The following DIS3L2 variants were observed in gnomAD, a reference collection of about 807,000 sequenced individuals.
The protein encoded by DIS3L2 is DIS3 like 3'-5' exoribonuclease 2, also known as DIS3-like exonuclease 2.
In DIS3L2, 34 loss-of-function variants were observed where a neutral mutation model predicts 97.5. The observed-to-expected ratio is 0.35, with a 90% confidence interval of 0.27 to 0.46. The LOEUF is 0.46. DIS3L2 is among the 20% of genes least tolerant of loss of function. The pLI, the probability that DIS3L2 is intolerant of heterozygous loss-of-function variation, is 1.00. For synonymous variants in DIS3L2, 435 were observed against 445.2 expected, an observed-to-expected ratio of 0.98 and a Z score of 0.29; for missense variants, 1,038 against 1,146.0, an observed-to-expected ratio of 0.91 and a Z score of 1.36.
intron 14 of DIS3L2, 28 bp from the exon 15 acceptor site, chr2:232,329,785 T>TGCCGGGGGGCCCCCCC: frequency 2.1e-6 from 2 of 967,144 alleles, no homozygotes; most frequent in Non-Finnish European, 2.9e-6. Flanking sequence ...ACCCCAGCGG[T>TGCCGGGGGGCCCCCCC]CCCTCCCATC....
chr2:232,172,852 G>A (rs1691032619), intron 9 of DIS3L2: 1 of 495,728 alleles, frequency 2.0e-6, no homozygotes, highest in African/African-American at 2.0e-5. Flanking sequence ...GTTTTGATTT[G>A]CATTTCTGTC....
chr2:232,332,860 G>A (rs1470994545), intron 16 of DIS3L2, among the ~76,000 whole-genome samples: 1 of 152,158 alleles, frequency 6.6e-6, no homozygotes, highest in Non-Finnish European at 1.5e-5. Flanking sequence ...GGATGAGGAC[G>A]GCCCCGACCA....
chr2:232,102,700 A>T (rs961549936), intron 6 of DIS3L2, among the ~76,000 whole-genome samples: 1 of 152,232 alleles, frequency 6.6e-6, no homozygotes, highest in Non-Finnish European at 1.5e-5. Flanking sequence ...TAGTAAATTT[A>T]AAAATCTTTA....
chr2:232,206,223 T>C (rs1692022489), intron 9 of DIS3L2, among the ~76,000 whole-genome samples: 2 of 152,250 alleles, frequency 1.3e-5, no homozygotes, highest in South Asian at 4.1e-4. Context: ...TAAAGGCTCC[T>C]CGAAGTCCTA....
intron 9 of DIS3L2, among the ~76,000 whole-genome samples, chr2:232,189,830 GCACA>G (rs1691561031): frequency 6.6e-6 from 1 of 152,076 alleles, no homozygotes; most frequent in Non-Finnish European, 1.5e-5. Flanking sequence ...TGGGTAAAGG[GCACA>G]CAACATCTTT....
chr2:232,130,480 C>A, intron 6 of DIS3L2, 139 bp from the exon 7 acceptor site: 1 of 937,568 alleles, frequency 1.1e-6, no homozygotes, highest in Non-Finnish European at 1.5e-6. Context: ...GGTCCACTGG[C>A]GGCCTGGGGT....
intron 12 of DIS3L2, among the ~76,000 whole-genome samples, chr2:232,253,983 A>G (rs1416658701): frequency 1.3e-5 from 2 of 152,236 alleles, no homozygotes; most frequent in African/African-American, 2.4e-5. Context: ...CCCAGATTCA[A>G]CTATCAAGAC....
intron 5 of DIS3L2, among the ~76,000 whole-genome samples, 153 bp from the exon 6 acceptor site, chr2:232,087,334 T>G (rs1696691158): frequency 6.6e-6 from 1 of 152,208 alleles, no homozygotes; most frequent in African/African-American, 2.4e-5. Context: ...TGGTCTGTGC[T>G]TCTGGAAAAT....
intron 6 of DIS3L2, among the ~76,000 whole-genome samples, chr2:232,094,686 T>C (rs1164849242): frequency 1.5e-5 from 2 of 130,302 alleles, no homozygotes; most frequent in Non-Finnish European, 3.1e-5. Flanking sequence ...GCCACTGCAC[T>C]CCAGCCTGGG....
At chr2:232,287,953 C>CA (rs1694491097) in intron 13 of DIS3L2, among the ~76,000 whole-genome samples, 1 of 152,156 alleles carries the variant, frequency 6.6e-6, no homozygotes, top group Non-Finnish European at 1.5e-5. Flanking sequence ...GTGTCCCTTC[C>CA]AGACTGTTCT....
At chr2:232,193,436 A>G (rs905128190) in intron 9 of DIS3L2, among the ~76,000 whole-genome samples, 2 of 152,248 alleles carry the variant, frequency 1.3e-5, no homozygotes, top group African/African-American at 2.4e-5. Context: ...GTTTAATGTA[A>G]TAACAGGTAT....
chr2:232,121,914 A>G (rs1406798030), intron 6 of DIS3L2, among the ~76,000 whole-genome samples: 2 of 152,192 alleles, frequency 1.3e-5, no homozygotes, highest in African/African-American at 4.8e-5. Context: ...CTCTCTAGCC[A>G]GGACCTTCCA....
At chr2:232,314,102 T>C (rs1420600751) in intron 14 of DIS3L2, among the ~76,000 whole-genome samples, 1 of 152,082 alleles carries the variant, frequency 6.6e-6, no homozygotes, top group East Asian at 1.9e-4. Context: ...TCCATTGCCA[T>C]GGAAAGGAGC....
At chr2:232,075,683 T>A (rs1696166666) in intron 5 of DIS3L2, among the ~76,000 whole-genome samples, 1 of 152,210 alleles carries the variant, frequency 6.6e-6, no homozygotes. Flanking sequence ...TTTCCTTATA[T>A]GTAACTGCTC....
chr2:232,077,962 TTTC>T (rs1696251653), intron 5 of DIS3L2, among the ~76,000 whole-genome samples: 1 of 75,474 alleles, frequency 1.3e-5, no homozygotes, highest in Non-Finnish European at 2.7e-5. Context: ...TTTCTCTTTC[TTTC>T]TTTCTTTCTT....
At chr2:232,331,480 A>C (rs550496061) in intron 16 of DIS3L2, among the ~76,000 whole-genome samples, 1 of 152,320 alleles carries the variant, frequency 6.6e-6, no homozygotes, top group Admixed American at 6.5e-5. Flanking sequence ...TGATGGCTTC[A>C]GCTGACCTCA....
At chr2:232,047,414 A>G (rs1695272078) in intron 5 of DIS3L2, among the ~76,000 whole-genome samples, 1 of 152,252 alleles carries the variant, frequency 6.6e-6, no homozygotes, top group Non-Finnish European at 1.5e-5. Context: ...TTTATCAGAA[A>G]GATGAACTGT....
intron 1 of DIS3L2, among the ~76,000 whole-genome samples, chr2:231,993,302 C>A (rs3116156): frequency 0.8 from 121,400 of 152,020 alleles, 49,192 homozygotes; most frequent in African/African-American, 0.92. Context: ...CAACCCCTGC[C>A]TCCCAGGTTC....
chr2:232,292,155 G>C lies in DIS3L2; in HGVS notation c.1660-7885G>C, dbSNP rs2106313372. Reference sequence around the variant, plus strand: ...TGGTTATTCTTATGAATGTAGCCTGGCCCACTGTCTTCACCAGGCTGGGAT... The same window carrying C: ...TGGTTATTCTTATGAATGTAGCCTGCCCCACTGTCTTCACCAGGCTGGGAT... On this transcript the variant is annotated intron_variant, in intron 13 of 20. Transcript: ENST00000325385. This position sits in a 1 kb window ranked among gnomAD's most constrained non-coding sequence, Gnocchi z 4.4. 6.6e-6 allele frequency among the ~76,000 whole-genome samples: 1 copy of C among 152,224 alleles called. No individual in the cohort carries two copies. Among genetic ancestry groups the C allele is most frequent in the South Asian group, 2.1e-4 (1 of 4,818 alleles).
Sources: allele counts gnomAD v4.1 joint callset (sites outside exome capture counted in the v4.1 genomes callset), GRCh38; gene constraint gnomAD v4.1.1; non-coding constraint Gnocchi (gnomAD v3.1); transcripts MANE v1.5; gene names NCBI Gene and HGNC (gene_info 2026-07-23, HGNC 2026-07-21).